CTNNA2: variants seen among roughly 807,000 people sequenced by gnomAD.
CTNNA2 encodes catenin alpha-2.
In CTNNA2, 42 loss-of-function variants were observed where a neutral mutation model predicts 101.0. The ratio of observed to expected loss-of-function variants is 0.42; its 90% CI spans 0.32 to 0.54. CTNNA2 has a LOEUF of 0.54. Among genes scored for constraint, CTNNA2 ranks in the 20% least tolerant of loss-of-function variants. The pLI is 0.14. For synonymous variants in CTNNA2, 450 were observed against 456.4 expected (o/e 0.99, Z 0.18); for missense variants, 871 against 1,223.1 (o/e 0.71, Z 4.29).
At chr2:80,373,045 A>C (rs1429773005) in intron 7 of CTNNA2, among the ~76,000 whole-genome samples, 1 of 152,206 alleles carries the variant, frequency 6.6e-6, no homozygotes, top group Non-Finnish European at 1.5e-5. Context: ...CTCCATGCAG[A>C]TTGTGACCAT....
intron 2 of CTNNA2, among the ~76,000 whole-genome samples, chr2:79,705,466 T>C (rs1685294607): frequency 6.6e-6 from 1 of 152,170 alleles, no homozygotes; most frequent in African/African-American, 2.4e-5. Flanking sequence ...AAAAACAGTA[T>C]ACATAGGGTT....
At chr2:79,787,291 G>C (rs1217623168) in intron 3 of CTNNA2, among the ~76,000 whole-genome samples, 1 of 151,558 alleles carries the variant, frequency 6.6e-6, no homozygotes, top group African/African-American at 2.4e-5. Flanking sequence ...ATAAAAAATC[G>C]AGACCATATG....
At chr2:79,539,611 C>T (rs188910536) in intron 1 of CTNNA2, among the ~76,000 whole-genome samples, 82 of 152,248 alleles carry the variant, frequency 5.4e-4, no homozygotes, top group African/African-American at 1.9e-3. Context: ...TAGACAGGAA[C>T]AGGGAGGTTT....
chr2:79,334,213 ATTCAACC>A (rs1573089102), intron 3 of CTNNA2, among the ~76,000 whole-genome samples: 1 of 152,200 alleles, frequency 6.6e-6, no homozygotes, highest in Non-Finnish European at 1.5e-5. Flanking sequence ...TGTATCTGCC[ATTCAACC>A]TTAAGCTATC....
chr2:80,033,807 A>G (rs541610911), intron 7 of CTNNA2, among the ~76,000 whole-genome samples: 1 of 152,264 alleles, frequency 6.6e-6, no homozygotes, highest in East Asian at 1.9e-4. Context: ...CTAAATGCAT[A>G]TGGAAATTCA....
chr2:79,788,734 T>C (rs1172724451), intron 3 of CTNNA2, among the ~76,000 whole-genome samples: 4 of 152,158 alleles, frequency 2.6e-5, no homozygotes, highest in African/African-American at 9.7e-5. Context: ...GGCATAATAG[T>C]ATAAATCATC....
intron 7 of CTNNA2, among the ~76,000 whole-genome samples, chr2:79,969,262 T>A (rs17018328): frequency 0.013 from 2,051 of 152,258 alleles, 44 homozygotes; most frequent in African/African-American, 0.047. Flanking sequence ...TGGCCAGGGA[T>A]TGGAACTCAA....
chr2:79,940,039 C>T (rs1460907152), intron 7 of CTNNA2, among the ~76,000 whole-genome samples: 2 of 152,068 alleles, frequency 1.3e-5, no homozygotes, highest in Admixed American at 6.5e-5. Flanking sequence ...TTGTGGTGAG[C>T]CGAGATTGCA....
At chr2:79,696,802 CTTG>C (rs1033664600) in intron 2 of CTNNA2, among the ~76,000 whole-genome samples, 5 of 151,974 alleles carry the variant, frequency 3.3e-5, no homozygotes, top group Admixed American at 1.3e-4. Flanking sequence ...TTGAGAATCA[CTTG>C]TTGTTGGAAG....
chr2:80,171,349 T>G (rs913898381), intron 7 of CTNNA2, among the ~76,000 whole-genome samples: 2 of 152,342 alleles, frequency 1.3e-5, no homozygotes, highest in East Asian at 1.9e-4. Context: ...TTAGTACTGC[T>G]AAGTCCCGCC....
intron 9 of CTNNA2, among the ~76,000 whole-genome samples, chr2:80,516,345 G>A (rs1209034260): frequency 6.6e-6 from 1 of 152,188 alleles, no homozygotes; most frequent in African/African-American, 2.4e-5. Flanking sequence ...AGCCGCAGAA[G>A]CTATGTGATT....
intron 7 of CTNNA2, among the ~76,000 whole-genome samples, chr2:80,184,244 G>A (rs1705971137): frequency 6.6e-6 from 1 of 151,960 alleles, no homozygotes; most frequent in Non-Finnish European, 1.5e-5. Flanking sequence ...ATATTTATTA[G>A]GAAATCAATC....
intron 7 of CTNNA2, among the ~76,000 whole-genome samples, chr2:80,018,080 A>G (rs1271706441): frequency 6.6e-6 from 1 of 152,224 alleles, no homozygotes; most frequent in East Asian, 1.9e-4. Flanking sequence ...TGTAATTTTA[A>G]GGAGATGGAA....
At chr2:79,240,446 C>T (rs1175408017) in intron 2 of CTNNA2, among the ~76,000 whole-genome samples, 4 of 152,058 alleles carry the variant, frequency 2.6e-5, no homozygotes, top group African/African-American at 7.2e-5. Context: ...ATATTTAGCT[C>T]CCACTTATAA....
chr2:80,629,992 G>T (rs762124999), intron 18 of CTNNA2, among the ~76,000 whole-genome samples: 3 of 152,138 alleles, frequency 2.0e-5, no homozygotes, highest in Non-Finnish European at 2.9e-5. Context: ...TGCCAACCTC[G>T]TTTCCAGCCA....
chr2:79,661,114 T>A (rs1682006679), intron 2 of CTNNA2, among the ~76,000 whole-genome samples: 1 of 152,206 alleles, frequency 6.6e-6, no homozygotes, highest in Admixed American at 6.5e-5. Flanking sequence ...AAGTCACTTC[T>A]TTCCTCACCT....
At chr2:80,279,710 G>A (rs1238865144) in intron 7 of CTNNA2, among the ~76,000 whole-genome samples, 2 of 152,038 alleles carry the variant, frequency 1.3e-5, no homozygotes, top group Admixed American at 6.6e-5. Flanking sequence ...ATCCCTGCAT[G>A]GTATTACATA....
chr2:79,415,466 A>C (rs2104496450), intron 4 of CTNNA2, among the ~76,000 whole-genome samples: 1 of 152,250 alleles, frequency 6.6e-6, no homozygotes, highest in Middle Eastern at 3.4e-3. Context: ...ATACACTCCC[A>C]AAACTGATTT....
intron 7 of CTNNA2, among the ~76,000 whole-genome samples, chr2:80,318,013 G>A (rs1678296175): frequency 6.6e-6 from 1 of 151,908 alleles, no homozygotes; most frequent in Non-Finnish European, 1.5e-5. Flanking sequence ...TCTTTCTAAG[G>A]GGTCCCATTC....
Sources: allele counts gnomAD v4.1 joint callset (sites outside exome capture counted in the v4.1 genomes callset), GRCh38; gene constraint gnomAD v4.1.1; transcripts MANE v1.5; gene names NCBI Gene and HGNC (gene_info 2026-07-23, HGNC 2026-07-21).